Variants in B4GALNT2 observed in about 807,000 individuals in gnomAD.
The protein encoded by B4GALNT2 is N-acetylneuraminylgalactosylglucosyl-glucoside beta-1,4-N- acetylgalactosaminyltransferase 2.
In B4GALNT2, 42 loss-of-function variants were observed where a neutral mutation model predicts 51.1. That is an observed-to-expected ratio of 0.82 (90% CI 0.64 to 1.06). B4GALNT2 has a LOEUF of 1.06. B4GALNT2 is among the 50% of genes least tolerant of loss of function. The pLI is 0.00. For missense variants in B4GALNT2, 602 were observed against 633.6 expected (o/e 0.95, Z 0.54); for synonymous variants, 253 against 251.7 (o/e 1.01, Z -0.05).
At chr17:49,142,595 AGT>A (rs1383810128) in intron 3 of B4GALNT2, among the ~76,000 whole-genome samples, 1 of 152,020 alleles carries the variant, frequency 6.6e-6, no homozygotes, top group African/African-American at 2.4e-5. Context: ...AGTAGGCTGA[AGT>A]GAGAGGATCA....
rs2042762193 is a variant in B4GALNT2 at position 49,152,055 on chromosome 17, A to G, written c.354-745A>G. Among the ~76,000 whole-genome samples, 3 of 151,854 alleles carry G rather than the reference A, an allele frequency of 2.0e-5. No homozygotes were observed. The South Asian group carries it at 6.2e-4, about 31-fold the overall frequency. On this transcript the variant is annotated intron_variant, in intron 3 of 10. Transcript: ENST00000393354. ...TACCGTCTGATAATTTCCTTCTTCTATGCTGGTCATGGTTTTTTTTAAAAA... is the reference window on the plus strand; with the variant it reads ...TACCGTCTGATAATTTCCTTCTTCTGTGCTGGTCATGGTTTTTTTTAAAAA...
Position 49,173,130 on chromosome 17 carries a change from C to T in B4GALNT2, c.*3402C>T, listed in dbSNP as rs1403930326. ...ATTTGATTCCCTTCAGTTAAAGGTC[C>T]TGGAAGAGGTGTATGAGCCCTAATG... is the stretch of plus-strand genomic sequence containing the variant. On this transcript the variant is annotated 3_prime_UTR_variant, in exon 11 of 11. Coordinates refer to ENST00000393354, the MANE Select transcript of B4GALNT2 (RefSeq NM_001159387.2). 6.6e-6 allele frequency: 1 copy of T among 152,178 alleles called. No homozygotes were observed. Among genetic ancestry groups the T allele is most frequent in the African/African-American group, 2.4e-5 (1 of 41,432 alleles). 9.4% of individuals were successfully genotyped at this position (152,178 alleles called of 1,614,324 possible).
chr17:49,148,556 AT>A (rs1480335722), intron 3 of B4GALNT2: 1 of 402,542 alleles, frequency 2.5e-6, no homozygotes, highest in Non-Finnish European at 4.8e-6. Flanking sequence ...CTGGGGGCAG[AT>A]GGAGGTCATC....
the B4GALNT2 span, among the ~76,000 whole-genome samples, chr17:49,122,861 T>C: frequency 6.6e-6 from 1 of 152,222 alleles, no homozygotes; most frequent in Non-Finnish European, 1.5e-5. Flanking sequence ...ATAGTCCTAC[T>C]GCAAATAGTA....
At chr17:49,153,499 T>G (rs2042778901) in intron 4 of B4GALNT2, among the ~76,000 whole-genome samples, 1 of 147,164 alleles carries the variant, frequency 6.8e-6, no homozygotes, top group African/African-American at 2.6e-5. Flanking sequence ...GGCAAGAAGC[T>G]TGATGTGATT....
intron 3 of B4GALNT2, among the ~76,000 whole-genome samples, chr17:49,144,953 G>C (rs533847089): frequency 7.2e-5 from 11 of 152,280 alleles, no homozygotes; most frequent in Middle Eastern, 3.4e-3. Flanking sequence ...AAAGATGTAG[G>C]CTGGGAGGCT....
chr17:49,131,517 T>A (rs1183760555), upstream of B4GALNT2, among the ~76,000 whole-genome samples: 1 of 150,754 alleles, frequency 6.6e-6, no homozygotes, highest in Non-Finnish European at 1.5e-5. Context: ...TTTTCCCTTT[T>A]TTTGAGATGG....
chr17:49,156,925 C>T (rs1044509659), intron 5 of B4GALNT2, among the ~76,000 whole-genome samples: 45 of 152,330 alleles, frequency 3.0e-4, no homozygotes, highest in African/African-American at 9.4e-4. Flanking sequence ...GCAGGACAGA[C>T]GGTGCTTGTG....
At chr17:49,151,017 G>A (rs551443876) in intron 3 of B4GALNT2, among the ~76,000 whole-genome samples, 1 of 151,876 alleles carries the variant, frequency 6.6e-6, no homozygotes, top group African/African-American at 2.4e-5. Flanking sequence ...GTAATTAAAT[G>A]ATCTCCTGCT....
chr17:49,168,600 G>A lies in B4GALNT2; in HGVS notation c.1096-81G>A, dbSNP rs528913954. The A allele has an allele frequency of 2.1e-4, 269 of 1,280,814 alleles. 2 individuals are homozygous for A. The South Asian group carries it at 3.4e-3, about 16-fold the overall frequency. The allele number at this position is 1,280,814 out of a possible 1,614,324, so 79.3% of individuals were successfully genotyped here. ...TAACAATTCTTGTTATAACCGAGGT[G>A]CAGTCCAGCGAGTCTTCCTGGAAGA... On this transcript the variant is annotated intron_variant, in intron 9 of 10. Transcript: ENST00000393354.
intron 1 of B4GALNT2, among the ~76,000 whole-genome samples, chr17:49,133,416 G>T (rs1278235790): frequency 6.6e-6 from 1 of 152,130 alleles, no homozygotes; most frequent in African/African-American, 2.4e-5. Flanking sequence ...AATAATTAAC[G>T]GGGTAAAGTA....
intron 4 of B4GALNT2, among the ~76,000 whole-genome samples, chr17:49,154,097 G>T (rs983255078): frequency 6.6e-6 from 1 of 151,346 alleles, no homozygotes; most frequent in Admixed American, 6.6e-5. Context: ...TCCTCCTCCT[G>T]GGTTCAAGCC....
chr17:49,140,471 G>A (rs1319962399), intron 1 of B4GALNT2, among the ~76,000 whole-genome samples: 1 of 152,108 alleles, frequency 6.6e-6, no homozygotes, highest in African/African-American at 2.4e-5. Flanking sequence ...TTGTTGTTCT[G>A]CTGCTTTAAA....
At chr17:49,156,444 CG>C in intron 4 of B4GALNT2, 121 bp from the exon 5 acceptor site, 1 of 1,014,478 alleles carries the variant, frequency 9.9e-7, no homozygotes, top group Non-Finnish European at 1.5e-6. Context: ...ACACTCTGGG[CG>C]GGAGGTGACA....
intron 3 of B4GALNT2, chr17:49,148,746 G>GT (rs2042721508): frequency 1.8e-6 from 1 of 564,024 alleles, no homozygotes; most frequent in Non-Finnish European, 3.2e-6. Context: ...CTTGGCCACC[G>GT]TGACTCCCTC....
intron 1 of B4GALNT2, among the ~76,000 whole-genome samples, chr17:49,134,654 C>T (rs1323046229): frequency 6.6e-6 from 1 of 152,178 alleles, no homozygotes; most frequent in African/African-American, 2.4e-5. Flanking sequence ...GTGGCGCAAT[C>T]TCGGCTCACT....
chr17:49,147,072 A>G (rs1412170860), intron 3 of B4GALNT2, among the ~76,000 whole-genome samples: 1 of 152,238 alleles, frequency 6.6e-6, no homozygotes, highest in African/African-American at 2.4e-5. Context: ...TTTAGAGACC[A>G]CATCTGTTAT....
chr17:49,136,176 C>A (rs1051240143), intron 1 of B4GALNT2, among the ~76,000 whole-genome samples: 1 of 151,598 alleles, frequency 6.6e-6, no homozygotes, highest in Non-Finnish European at 1.5e-5. Context: ...TACATCTCTA[C>A]AAAATTGAGC....
chr17:49,158,636 CAA>C (rs770885158), intron 5 of B4GALNT2, among the ~76,000 whole-genome samples: 10 of 74,148 alleles, frequency 1.3e-4, no homozygotes, highest in South Asian at 5.2e-4. Flanking sequence ...GACTCCATCT[CAA>C]AAAAAAAAAA....
Sources: allele counts gnomAD v4.1 joint callset (sites outside exome capture counted in the v4.1 genomes callset), GRCh38; gene constraint gnomAD v4.1.1; transcripts MANE v1.5; gene names NCBI Gene and HGNC (gene_info 2026-07-23, HGNC 2026-07-21).